Variants in FTCDNL1 observed in about 807,000 individuals in gnomAD.
The protein encoded by FTCDNL1 is formiminotransferase N-terminal subdomain-containing protein.
A neutral mutation model predicts 5.9 loss-of-function variants in FTCDNL1; 11 were observed. The ratio of observed to expected loss-of-function variants is 1.87; its 90% CI spans 1.18 to 3.10. The LOEUF (loss-of-function observed/expected upper bound fraction) is 3.10, where lower values mean the gene tolerates loss of function less well. FTCDNL1 is among the 30% of genes most tolerant of loss of function. The pLI, the probability that FTCDNL1 is intolerant of heterozygous loss-of-function variation, is 0.00. For missense variants in FTCDNL1, 115 were observed against 65.5 expected, an observed-to-expected ratio of 1.76 and a Z score of -2.61; for synonymous variants, 58 against 24.8, an observed-to-expected ratio of 2.34 and a Z score of -3.99.
intron 3 of FTCDNL1, among the ~76,000 whole-genome samples, chr2:199,765,166 T>C (rs774978783): frequency 3.9e-5 from 6 of 152,180 alleles, no homozygotes; most frequent in Non-Finnish European, 5.9e-5. Flanking sequence ...GATACTATAT[T>C]GGTGGCTGCA....
chr2:199,831,184 A>G (rs966745217), intron 3 of FTCDNL1, among the ~76,000 whole-genome samples: 4 of 152,222 alleles, frequency 2.6e-5, no homozygotes, highest in Non-Finnish European at 5.9e-5. Flanking sequence ...TATTGGCATG[A>G]CAGTAAAAAA....
At chr2:199,709,159 G>A in the FTCDNL1 span, among the ~76,000 whole-genome samples, 1 of 152,070 alleles carries the variant, frequency 6.6e-6, no homozygotes, top group Non-Finnish European at 1.5e-5. Context: ...GTTTAAGGTA[G>A]AAAGTAAATT....
chr2:199,796,766 TA>T lies in FTCDNL1; in HGVS notation c.212-35932del, dbSNP rs1199719441. Among the ~76,000 whole-genome samples, 208 of 144,654 alleles carry T rather than the reference TA, an allele frequency of 1.4e-3. 3 individuals carry two copies. The highest frequency in any genetic ancestry group is 3.7e-3 in the African/African-American group (146 of 39,528). The allele number at this position is 144,654 out of a possible 152,430, so 94.9% of individuals were successfully genotyped here. On this transcript the variant is annotated intron_variant, in intron 3 of 3. Coordinates refer to the FTCDNL1 transcript ENST00000416668. ...GTTTCCTTTTGTTAAGTAGTATCCTTAAAAAAAAAAATCCCATACAATCTAC... is the reference window on the plus strand; with the variant it reads ...GTTTCCTTTTGTTAAGTAGTATCCTTAAAAAAAAAATCCCATACAATCTAC...
chr2:199,767,860 G>T (rs968798281), intron 3 of FTCDNL1, among the ~76,000 whole-genome samples: 2 of 152,154 alleles, frequency 1.3e-5, no homozygotes, highest in African/African-American at 4.8e-5. Context: ...CAAGTATTTT[G>T]CAATAGCAAC....
intron 3 of FTCDNL1, among the ~76,000 whole-genome samples, chr2:199,833,948 C>T (rs1182471933): frequency 1.3e-5 from 2 of 152,204 alleles, no homozygotes; most frequent in South Asian, 2.1e-4. Flanking sequence ...TTTTCTTCCA[C>T]ATGGAGAGAG....
chr2:199,846,557 A>G (rs1386735482), intron 2 of FTCDNL1, among the ~76,000 whole-genome samples: 1 of 152,192 alleles, frequency 6.6e-6, no homozygotes, highest in Non-Finnish European at 1.5e-5. Flanking sequence ...TTCCTTCCAA[A>G]ATCCAGAAAC....
At chr2:199,748,909 C>G in the FTCDNL1 span, among the ~76,000 whole-genome samples, 1 of 152,122 alleles carries the variant, frequency 6.6e-6, no homozygotes, top group Non-Finnish European at 1.5e-5. Flanking sequence ...TCCTGCTCAC[C>G]TCTCCTGCTC....
At chr2:199,702,136 C>A in the FTCDNL1 span, among the ~76,000 whole-genome samples, 13 of 151,974 alleles carry the variant, frequency 8.6e-5, no homozygotes, top group Non-Finnish European at 1.8e-4. Flanking sequence ...GGGGCCTGCT[C>A]GAAGGTGGAG....
the FTCDNL1 span, among the ~76,000 whole-genome samples, chr2:199,705,487 C>A: frequency 6.6e-6 from 1 of 152,148 alleles, no homozygotes. Flanking sequence ...CCTTACTACA[C>A]TTAGTTCTAG....
intron 3 of FTCDNL1, among the ~76,000 whole-genome samples, chr2:199,794,043 A>G (rs1270496528): frequency 1.3e-5 from 2 of 152,176 alleles, no homozygotes; most frequent in Non-Finnish European, 2.9e-5. Flanking sequence ...ACCCTAGTGG[A>G]CTCTGATGTG....
the FTCDNL1 span, among the ~76,000 whole-genome samples, chr2:199,678,514 G>A: frequency 3.3e-5 from 5 of 151,894 alleles, no homozygotes; most frequent in East Asian, 3.9e-4. Flanking sequence ...TTTTAAGTAC[G>A]TGGACACAGT....
rs921739819 is a variant in FTCDNL1 at position 199,810,874 on chromosome 2, T to C, written c.*1831A>G. 1.3e-5 allele frequency among the ~76,000 whole-genome samples: 2 copies of C among 152,204 alleles called. No homozygotes were observed. The highest frequency in any genetic ancestry group is 2.4e-5 in the African/African-American group (1 of 41,448). The stretch of plus-strand genomic sequence containing the variant: ...CTTTTTCTTGCTACTTTCAAACTTA[T>C]TGCTCCTGATGTCAGCATCCATCAG... On this transcript the variant is annotated 3_prime_UTR_variant, in exon 5 of 5. Coordinates refer to ENST00000420128, the MANE Select transcript of FTCDNL1 (RefSeq NM_001363886.2).
At chr2:199,708,151 T>C in the FTCDNL1 span, among the ~76,000 whole-genome samples, 3 of 152,098 alleles carry the variant, frequency 2.0e-5, no homozygotes, top group Non-Finnish European at 4.4e-5. Context: ...TTTGGATAAG[T>C]CTACTGCTAT....
chr2:199,689,697 G>T, the FTCDNL1 span, among the ~76,000 whole-genome samples: 8 of 151,502 alleles, frequency 5.3e-5, no homozygotes, highest in Admixed American at 4.6e-4. Context: ...ATATTTGTAA[G>T]CTACTCGGGA....
the FTCDNL1 span, among the ~76,000 whole-genome samples, chr2:199,731,110 G>T: frequency 6.6e-6 from 1 of 152,138 alleles, no homozygotes; most frequent in Non-Finnish European, 1.5e-5. Flanking sequence ...ACCAAACACT[G>T]CATGTTCTCA....
the FTCDNL1 span, among the ~76,000 whole-genome samples, chr2:199,741,456 C>A: frequency 5.9e-5 from 9 of 152,158 alleles, no homozygotes; most frequent in African/African-American, 2.2e-4. Flanking sequence ...TAAATAAGAA[C>A]TAATTCAACA....
At chr2:199,828,047 C>T (rs1702138536) in intron 3 of FTCDNL1, among the ~76,000 whole-genome samples, 1 of 152,022 alleles carries the variant, frequency 6.6e-6, no homozygotes, top group Non-Finnish European at 1.5e-5. Context: ...AGTACAATAC[C>T]CTCTTCATAC....
chr2:199,743,541 G>A, the FTCDNL1 span, among the ~76,000 whole-genome samples: 1 of 152,174 alleles, frequency 6.6e-6, no homozygotes, highest in Non-Finnish European at 1.5e-5. Flanking sequence ...AAGCAAAGGT[G>A]TAGATGGAGT....
At chr2:199,699,191 G>C in the FTCDNL1 span, among the ~76,000 whole-genome samples, 1 of 152,124 alleles carries the variant, frequency 6.6e-6, no homozygotes, top group Non-Finnish European at 1.5e-5. Flanking sequence ...GCTGCGCCAG[G>C]TGTGGTGGCT....
Sources: gnomAD v4.1 joint callset for allele counts (sites outside exome capture counted in the v4.1 genomes callset) on GRCh38, gnomAD v4.1.1 for gene constraint, MANE v1.5 for transcripts, NCBI Gene and HGNC (gene_info 2026-07-23, HGNC 2026-07-21) for gene names.